The following ATPAF2 variants were observed in gnomAD, a reference collection of about 807,000 sequenced individuals.
ATPAF2 encodes the protein ATP synthase mitochondrial F1 complex assembly factor 2, also known as ATP12 homolog.
A neutral mutation model predicts 36.6 loss-of-function variants in ATPAF2; 30 were observed. The observed-to-expected ratio is 0.82, with a 90% CI of 0.61 to 1.11. The LOEUF (loss-of-function observed/expected upper bound fraction) is 1.11, where lower values mean the gene tolerates loss of function less well. Among genes scored for constraint, ATPAF2 ranks in the 50% most tolerant of loss-of-function variants. The pLI is 0.00. For synonymous variants in ATPAF2, 140 were observed against 152.6 expected (o/e 0.92, Z 0.61); for missense variants, 321 against 372.3 (o/e 0.86, Z 1.13).
intron 1 of ATPAF2, among the ~76,000 whole-genome samples, chr17:18,038,522 C>T (rs1269672808): frequency 6.6e-6 from 1 of 152,220 alleles, no homozygotes; most frequent in South Asian, 2.1e-4. Flanking sequence ...ACAGACACCA[C>T]AAACCTCTGA....
chr17:18,019,147 C>CCACACACACATACACACACACACA (rs2044429229), intron 7 of ATPAF2, among the ~76,000 whole-genome samples: 1 of 135,570 alleles, frequency 7.4e-6, no homozygotes, highest in Non-Finnish European at 1.5e-5. Flanking sequence ...CTCAAAAACA[C>CCACACACACATACACACACACACA]CACACACACA....
Position 18,028,290 on chromosome 17 carries a change from G to A in ATPAF2, c.266C>T (p.Ala89Val), listed in dbSNP as rs370453090. 1 of 1,614,102 alleles carries A rather than the reference G, an allele frequency of 6.2e-7. No homozygotes were observed. The highest frequency in any genetic ancestry group is 8.5e-7 in the Non-Finnish European group (1 of 1,180,048). ...FTVPSEALAI[A>V]VATEWDSQQD... ...CTGGGAATCCCACTCAGTAGCCACT[G>A]CAATGGCCAGGGCCTCGCTGGGGAC... is the stretch of plus-strand genomic sequence containing the variant. The change falls in exon 3 of 8, where the codon GCA becomes GTA. Residue 89 changes from alanine to valine, a missense_variant. Ala to Val is a moderately conservative substitution (Grantham distance 64, BLOSUM62 0). This residue lies in a region of ATPAF2 where 53 missense variants were observed against 91.6 expected (regional missense o/e 0.58). Transcript: ENST00000474627.
At position 18,026,710 on chromosome 17, in the gene ATPAF2, T is replaced by C. The variant is rs1298288747; in HGVS notation, c.325-294A>G. On this transcript the variant is annotated intron_variant, in intron 3 of 7. Transcript: ENST00000474627. The stretch of plus-strand genomic sequence containing the variant: ...CCTTTTATTACCAGGCTCTAGTGTA[T>C]TTAATTTAATCCTCACAACAACCTT... The C allele has an allele frequency of 8.0e-6, 4 of 502,412 alleles. No homozygotes were observed. In the Admixed American group the frequency reaches 1.3e-4, roughly 16 times the overall value. 31.1% of individuals were successfully genotyped at this position (502,412 alleles called of 1,614,324 possible). A position where few individuals can be genotyped will look rare whatever the true frequency, so the allele number is the denominator to read the frequency against.
intron 7 of ATPAF2, chr17:18,020,552 C>A: frequency 6.5e-6 from 1 of 153,460 alleles, no homozygotes; most frequent in Admixed American, 6.5e-5. Context: ...CCTCCATTTC[C>A]TTCTGTGTAA....
chr17:18,016,561 C>T (rs773815957), downstream of ATPAF2: 2 of 1,611,212 alleles, frequency 1.2e-6, no homozygotes, highest in African/African-American at 1.3e-5. Context: ...TCCTCAGATT[C>T]ACAAGGATGA....
chr17:18,021,290 C>T, intron 6 of ATPAF2, 52 bp from the exon 7 acceptor site: 2 of 1,435,332 alleles, frequency 1.4e-6, no homozygotes, highest in Non-Finnish European at 1.9e-6. Context: ...CTGCCACAAC[C>T]TACCCCTTGT....
chr17:18,037,600 CAGA>C lies in ATPAF2; in HGVS notation c.133+1278_133+1280del, dbSNP rs149006145. 4.8e-3 allele frequency among the ~76,000 whole-genome samples: 735 copies of C among 151,988 alleles called. 6 individuals are homozygous for C. The highest frequency in any genetic ancestry group is 0.017 in the African/African-American group (705 of 41,452). On this transcript the variant is annotated intron_variant, in intron 1 of 7. Coordinates refer to ENST00000474627, the MANE Select transcript of ATPAF2 (RefSeq NM_145691.4). ...TCCGTCTCAAAAAAACACAAAAAAACAGAAGAAGAAGAAAAAAAAAGAACTTGA... is the reference window on the plus strand; with the variant it reads ...TCCGTCTCAAAAAAACACAAAAAAACAGAAGAAGAAAAAAAAAGAACTTGA...
Position 18,021,155 on chromosome 17 carries a change from C to G in ATPAF2, c.700G>C (p.Val234Leu). Residue 234 changes from valine (V) to leucine (L), a missense_variant, in exon 7 of 8, where the codon GTG becomes CTG. Physicochemically the swap from Val to Leu is conservative, Grantham distance 32. Around this residue, in one of 3 missense-constraint regions of ATPAF2, gnomAD observed 199 missense variants for 220.6 expected, o/e 0.90. Coordinates refer to ENST00000474627, the MANE Select transcript of ATPAF2 (RefSeq NM_145691.4). ...IDLRLTVEQAVLLSRLEEEYQ... is the reference protein window; with the variant it reads ...IDLRLTVEQALLLSRLEEEYQ... ...TCCTCCTCCAGGCGTGACAGCAGCA[C>G]GGCCTGCTCCACTGTCAGGCGCAGG... 6.2e-7 allele frequency: 1 copy of G among 1,613,938 alleles called. No individual in the cohort carries two copies. Among genetic ancestry groups the G allele is most frequent in the Non-Finnish European group, 8.5e-7 (1 of 1,179,964 alleles).
intron 5 of ATPAF2, among the ~76,000 whole-genome samples, chr17:18,022,557 T>C (rs1056230862): frequency 1.3e-5 from 2 of 150,462 alleles, no homozygotes. Flanking sequence ...ATTACAGCCA[T>C]GAGCCACCAT....
intron 7 of ATPAF2, among the ~76,000 whole-genome samples, chr17:18,019,303 CTGGGCAGGCTGGGTACCAGAACCACCCA>C (rs2044434689): frequency 6.6e-6 from 1 of 152,234 alleles, no homozygotes; most frequent in African/African-American, 2.4e-5. Context: ...CCACCCACCA[CTGGGCAGGCTGGGTACCAGAACCACCCA>C]TGTGACTTCT....
At chr17:18,015,958 G>C (rs890736609), downstream of ATPAF2, 1 of 1,239,156 alleles carries the variant, frequency 8.1e-7, no homozygotes, top group Non-Finnish European at 1.1e-6. Flanking sequence ...TCTGAGTGTG[G>C]CCTGCACAGC....
At chr17:18,027,378 C>T (rs2044563444) in intron 3 of ATPAF2, among the ~76,000 whole-genome samples, 1 of 152,094 alleles carries the variant, frequency 6.6e-6, no homozygotes, top group East Asian at 1.9e-4. Flanking sequence ...AGGAGGCCCA[C>T]CTGGGTTTGC....
Position 18,018,453 on chromosome 17 carries a change from G to A in ATPAF2, c.*96C>T. 7 of 1,568,612 alleles carry A rather than the reference G, an allele frequency of 4.5e-6. No homozygotes were observed. In the South Asian group the frequency reaches 6.7e-5, roughly 15 times the overall value. The stretch of plus-strand genomic sequence containing the variant: ...TGACGCTGAGGCCGAGTCCCCAAAA[G>A]CCAAGGAAGCCAGCCCCACAGGCTG... On this transcript the variant is annotated 3_prime_UTR_variant, in exon 8 of 8. Coordinates refer to ENST00000474627, the MANE Select transcript of ATPAF2 (RefSeq NM_145691.4).
chr17:18,035,978 C>T lies in ATPAF2; in HGVS notation c.133+2903G>A, dbSNP rs545453142. Reference sequence around the variant, plus strand: ...GATACGCTGAATAGATAGGTTTCTCCAGAACACCTGCCACTCTGGGAGTCA... The same window carrying T: ...GATACGCTGAATAGATAGGTTTCTCTAGAACACCTGCCACTCTGGGAGTCA... On this transcript the variant is annotated intron_variant, in intron 1 of 7. Transcript: ENST00000474627. Among the ~76,000 whole-genome samples, 5 of 152,324 alleles carry T rather than the reference C, an allele frequency of 3.3e-5. No homozygotes were observed. In the South Asian group the frequency reaches 1.0e-3, roughly 32 times the overall value.
chr17:18,036,392 G>T (rs986916448), intron 1 of ATPAF2, among the ~76,000 whole-genome samples: 22 of 152,146 alleles, frequency 1.4e-4, no homozygotes, highest in African/African-American at 4.8e-4. Flanking sequence ...AGACTAACAT[G>T]GTGAAACTCC....
At chr17:18,022,505 G>A (rs536236672) in intron 5 of ATPAF2, among the ~76,000 whole-genome samples, 6 of 151,896 alleles carry the variant, frequency 4.0e-5, no homozygotes, top group African/African-American at 1.4e-4. Context: ...CAAACGCCTG[G>A]ACTCACGCGA....
chr17:18,030,438 C>T (rs2044612221), intron 1 of ATPAF2, among the ~76,000 whole-genome samples: 1 of 144,984 alleles, frequency 6.9e-6, no homozygotes. Context: ...GCCCAGGAGG[C>T]TGAGGCTTCA....
chr17:18,038,818 G>T (rs1567581344), intron 1 of ATPAF2, 63 bp downstream of exon 1: 1 of 1,604,210 alleles, frequency 6.2e-7, no homozygotes, highest in Non-Finnish European at 8.5e-7. Flanking sequence ...TTGCACAGCC[G>T]AAGCCCGAAG....
At chr17:18,016,809 C>T, downstream of ATPAF2, 1 of 514,438 alleles carries the variant, frequency 1.9e-6, no homozygotes, top group Non-Finnish European at 3.4e-6. Flanking sequence ...ATTCTTCCCC[C>T]ACCCCTGGAA....
Sources: gnomAD v4.1 joint callset for allele counts (sites outside exome capture counted in the v4.1 genomes callset) on GRCh38, gnomAD v4.1.1 for gene constraint, gnomAD v4.1.1 regional missense constraint, MANE v1.5 for transcripts, NCBI Gene and HGNC (gene_info 2026-07-23, HGNC 2026-07-21) for gene names.